The following IL22RA2 variants were observed in gnomAD, a reference collection of about 807,000 sequenced individuals.
IL22RA2 encodes interleukin-22 receptor subunit alpha-2.
In IL22RA2, 39 loss-of-function variants were observed where a neutral mutation model predicts 30.7. That is an observed-to-expected ratio of 1.27 (90% CI 0.98 to 1.66). The LOEUF is 1.66. IL22RA2 is among the 40% of genes most tolerant of loss of function. The probability of loss-of-function intolerance (pLI) is 0.00; values close to 1 mark genes in which losing one functional copy is unlikely to be tolerated. For synonymous variants in IL22RA2, 103 were observed against 105.0 expected, an observed-to-expected ratio of 0.98 and a Z score of 0.11; for missense variants, 315 against 312.7, an observed-to-expected ratio of 1.01 and a Z score of -0.05.
chr6:137,146,102 G>A (rs899520889), intron 6 of IL22RA2, among the ~76,000 whole-genome samples: 3 of 152,126 alleles, frequency 2.0e-5, no homozygotes, highest in African/African-American at 4.8e-5. Flanking sequence ...CACCATCTCG[G>A]CTCACTGCAA....
intron 1 of IL22RA2, among the ~76,000 whole-genome samples, chr6:137,163,959 C>T (rs1271284153): frequency 1.3e-5 from 2 of 152,090 alleles, no homozygotes; most frequent in Admixed American, 1.3e-4. Context: ...CCCAGAGGAC[C>T]AGCTCCACAG....
chr6:137,155,232 T>C (rs191304353), intron 4 of IL22RA2, 113 bp from the exon 5 acceptor site: 3 of 710,138 alleles, frequency 4.2e-6, no homozygotes, highest in Admixed American at 2.8e-5. Context: ...ACCACCATGA[T>C]AGCTTATGGC....
Position 137,144,056 on chromosome 6 carries a change from C to T in IL22RA2, c.*1568G>A, listed in dbSNP as rs189910063. On this transcript the variant is annotated 3_prime_UTR_variant, in exon 7 of 7. Transcript: ENST00000296980. ...CTTCAGGACTACTGAATTGCATTCA[C>T]TAAAATGCTATTTGAAATTTTACTT... 32 of 152,394 alleles carry T rather than the reference C, an allele frequency of 2.1e-4. No homozygotes were observed. Among genetic ancestry groups the T allele is most frequent in the Non-Finnish European group, 3.5e-4 (24 of 68,036 alleles). 9.4% of individuals were successfully genotyped at this position (152,394 alleles called of 1,614,324 possible).
chr6:137,159,905 A>G (rs1308686125), intron 2 of IL22RA2, among the ~76,000 whole-genome samples: 4 of 152,206 alleles, frequency 2.6e-5, no homozygotes, highest in Non-Finnish European at 4.4e-5. Flanking sequence ...AAGACTTGTT[A>G]TTTTCAAATG....
At chr6:137,160,549 T>G (rs1439268099) in intron 2 of IL22RA2, among the ~76,000 whole-genome samples, 2 of 152,178 alleles carry the variant, frequency 1.3e-5, no homozygotes, top group Non-Finnish European at 2.9e-5. Context: ...GGCAGACCAA[T>G]TAGAAGCTGA....
chr6:137,165,250 C>T (rs1229180847), intron 1 of IL22RA2, among the ~76,000 whole-genome samples: 3 of 152,152 alleles, frequency 2.0e-5, no homozygotes, highest in African/African-American at 2.4e-5. Context: ...ATAAAAGTCC[C>T]GGTGAATTTT....
intron 2 of IL22RA2, among the ~76,000 whole-genome samples, chr6:137,159,477 T>A (rs756032916): frequency 6.6e-6 from 1 of 152,052 alleles, no homozygotes; most frequent in Non-Finnish European, 1.5e-5. Context: ...CCCGCCACCA[T>A]GCCTGGCTAA....
intron 1 of IL22RA2, among the ~76,000 whole-genome samples, chr6:137,171,457 T>A (rs1778732577): frequency 6.6e-6 from 1 of 152,188 alleles, no homozygotes; most frequent in South Asian, 2.1e-4. Context: ...AAAATGAAAG[T>A]GCTAAAAGGA....
chr6:137,150,871 C>T (rs190388771), intron 5 of IL22RA2, among the ~76,000 whole-genome samples: 12 of 152,244 alleles, frequency 7.9e-5, no homozygotes, highest in African/African-American at 2.9e-4. Context: ...TCTATTCCAC[C>T]CTCCTGCTAA....
chr6:137,169,476 G>C (rs1778691130), intron 1 of IL22RA2, among the ~76,000 whole-genome samples: 1 of 152,198 alleles, frequency 6.6e-6, no homozygotes. Flanking sequence ...TCCCCCTGCA[G>C]CAAGGGGAAG....
intron 1 of IL22RA2, among the ~76,000 whole-genome samples, chr6:137,170,128 C>A (rs759770632): frequency 6.6e-6 from 1 of 152,090 alleles, no homozygotes; most frequent in Non-Finnish European, 1.5e-5. Context: ...TACCACCATC[C>A]GAATAAAGGC....
rs935706132 is a variant in IL22RA2, at chr6:137,145,012, T to C, written c.*612A>G. ...CAATCCAGAAATCATAAGATTTTTT[T>C]CCCCAAAACCTGTTCTTATTTACAT... On this transcript the variant is annotated 3_prime_UTR_variant, in exon 7 of 7. Transcript: ENST00000296980. 2.0e-5 allele frequency: 3 copies of C among 151,834 alleles called. No homozygotes were observed. Among genetic ancestry groups the C allele is most frequent in the African/African-American group, 4.8e-5 (2 of 41,328 alleles). 9.4% of individuals were successfully genotyped at this position (151,834 alleles called of 1,614,324 possible).
chr6:137,161,734 A>C lies in IL22RA2; in HGVS notation c.16T>G (p.Cys6Gly). 6.2e-7 allele frequency: 1 copy of C among 1,613,710 alleles called. No individual in the cohort carries two copies. MMPKH[C>G]FLGFLISFFL... ...AAACTGATGAGGAAGCCTAGAAAGC[A>C]ATGTTTAGGCATCATGGTTGCAAGT... The change falls in exon 2 of 7, where the codon TGC (cysteine) becomes GGC (glycine). Residue 6 changes from cysteine (C) to glycine (G), a missense_variant. Cys to Gly is a radical substitution (Grantham distance 159). Transcript: ENST00000296980.
intron 5 of IL22RA2, 38 bp downstream of exon 5, chr6:137,154,903 C>A (rs1778366945): frequency 6.3e-7 from 1 of 1,599,828 alleles, no homozygotes. Flanking sequence ...TGTCCAAAAG[C>A]AGGAAGAACA....
At chr6:137,154,880 G>C in intron 5 of IL22RA2, 61 bp downstream of exon 5, 2 of 1,446,874 alleles carry the variant, frequency 1.4e-6, no homozygotes, top group Non-Finnish European at 1.9e-6. Context: ...CACTAGCCGT[G>C]CTCCGGGAGG....
At position 137,158,842 on chromosome 6, in the gene IL22RA2, A is replaced by G. The variant is rs751551763; in HGVS notation, c.62-360T>C. Among the ~76,000 whole-genome samples the G allele has an allele frequency of 2.6e-5, 4 of 152,198 alleles. 1 individual carries two copies. Among genetic ancestry groups the G allele is most frequent in the South Asian group, 4.1e-4 (2 of 4,834 alleles). On this transcript the variant is annotated intron_variant, in intron 2 of 6. Transcript: ENST00000296980. ...AAGACCCACACTAAGACCACCAACC[A>G]TCTTCTTAGGAATCACTATATTGGT...
At chr6:137,173,173 A>T (rs147510749) in intron 1 of IL22RA2, among the ~76,000 whole-genome samples, 45 of 152,346 alleles carry the variant, frequency 3.0e-4, no homozygotes, top group African/African-American at 9.6e-4. Context: ...GGAGTTCCAG[A>T]CCAGCCTGGC....
intron 2 of IL22RA2, among the ~76,000 whole-genome samples, chr6:137,158,756 T>TA (rs59455976): frequency 4.6e-5 from 7 of 152,070 alleles, no homozygotes; most frequent in Admixed American, 2.6e-4. Context: ...TAAATTGCAT[T>TA]AAAAAAAATA....
intron 5 of IL22RA2, among the ~76,000 whole-genome samples, chr6:137,148,735 T>G (rs1778228951): frequency 6.6e-6 from 1 of 152,216 alleles, no homozygotes; most frequent in South Asian, 2.1e-4. Context: ...TTTGGAACCA[T>G]AAGTTTTTAA....
Sources: gnomAD v4.1 joint callset for allele counts (sites outside exome capture counted in the v4.1 genomes callset) on GRCh38, gnomAD v4.1.1 for gene constraint, MANE v1.5 for transcripts, NCBI Gene and HGNC (gene_info 2026-07-23, HGNC 2026-07-21) for gene names.